The following TCP1 variants were observed in gnomAD, a reference collection of about 807,000 sequenced individuals.
The protein encoded by TCP1 is t-complex 1, also known as T-complex protein 1 subunit alpha.
A neutral mutation model predicts 54.7 loss-of-function variants in TCP1; 6 were observed. That is an observed-to-expected ratio of 0.11 (90% CI 0.06 to 0.22). The LOEUF (loss-of-function observed/expected upper bound fraction) is 0.22, where lower values mean the gene tolerates loss of function less well. Ranked by LOEUF, TCP1 falls within the 10% of genes least tolerant of loss-of-function variation. The pLI is 1.00. For missense variants in TCP1, 511 were observed against 678.2 expected, an observed-to-expected ratio of 0.75 and a Z score of 2.74; for synonymous variants, 225 against 229.7, an observed-to-expected ratio of 0.98 and a Z score of 0.19.
Position 159,779,106 on chromosome 6 carries a change from C to A in TCP1, c.1610G>T (p.Ser537Ile). ...IDDLIKLHPE[S>I]KDDKHGSYED... ...ATAACTTCCATGTTTATCATCTTTACTTTCTGGATGTAATTTAATAAGATC... is the reference window on the plus strand; with the variant it reads ...ATAACTTCCATGTTTATCATCTTTAATTTCTGGATGTAATTTAATAAGATC... The change falls in exon 12 of 12, where the codon AGT becomes ATT. Residue 537 changes from serine (S) to isoleucine (I), a missense_variant. By Grantham distance (142) the Ser-to-Ile change is moderately radical (BLOSUM62 -2). Coordinates refer to ENST00000321394, the MANE Select transcript of TCP1 (RefSeq NM_030752.3). 6.2e-7 allele frequency: 1 copy of A among 1,614,056 alleles called. No individual in the cohort carries two copies. The highest frequency in any genetic ancestry group is 8.5e-7 in the Non-Finnish European group (1 of 1,179,966).
intron 1 of TCP1, chr6:159,789,040 T>G: frequency 4.2e-6 from 1 of 240,612 alleles, no homozygotes; most frequent in Non-Finnish European, 8.1e-6. Context: ...AAACCTGGCG[T>G]TTAACATGGA....
rs1308002423 is a variant in TCP1 at position 159,785,386 on chromosome 6, A to G, written c.488T>C (p.Ile163Thr). The G allele has an allele frequency of 5.0e-6, 8 of 1,604,690 alleles. No homozygotes were observed. The highest frequency in any genetic ancestry group is 1.3e-5 in the African/African-American group (1 of 74,768). The stretch of plus-strand genomic sequence containing the variant: ...TTTTATCTGACAACCACAAGGATAC[A>G]TTCCAATGATTTTGGAAGACATGGA... ...KTSMSSKIIG[I>T]NGDFFANMVV... is the part of the protein sequence containing the mutation. The change falls in exon 5 of 12, where the codon ATA becomes ACA. Residue 163 changes from isoleucine to threonine, a missense_variant and splice_region_variant. Coordinates refer to ENST00000321394, the MANE Select transcript of TCP1 (RefSeq NM_030752.3).
At position 159,785,709 on chromosome 6, in the gene TCP1, GA is replaced by G. The variant is rs775775017; in HGVS notation, c.377+190del. 7.9e-5 allele frequency: 62 copies of G among 788,528 alleles called. No homozygotes were observed. In the African/African-American group the frequency reaches 8.6e-4, roughly 11 times the overall value. 48.8% of individuals were successfully genotyped at this position (788,528 alleles called of 1,614,324 possible). A position where few individuals can be genotyped will look rare whatever the true frequency, so the allele number is the denominator to read the frequency against. On this transcript the variant is annotated intron_variant, in intron 4 of 11. Transcript: ENST00000321394. ...TAGCCACTAAAATCTATTATTAGGA[GA>G]AAATGTGGTAGTCAAATGAGAAAAA...
intron 3 of TCP1, 118 bp downstream of exon 3, chr6:159,787,625 G>T: frequency 7.9e-7 from 1 of 1,267,910 alleles, no homozygotes; most frequent in Non-Finnish European, 1.1e-6. Context: ...TCAATCTTCT[G>T]GGCATTCAGA....
rs1554268497 is a variant in TCP1, at chr6:159,778,620, CAGA to C, written c.*422_*424del. The C allele has an allele frequency of 3.7e-6, 6 of 1,601,820 alleles. No individual in the cohort carries two copies. Among genetic ancestry groups the C allele is most frequent in the Non-Finnish European group, 4.3e-6 (5 of 1,169,998 alleles). ...AGTTTAAGATTTTAAACTGTGTCCA[CAGA>C]AGAATAAACAATCTAAATCTTTTCT... On this transcript the variant is annotated 3_prime_UTR_variant, in exon 12 of 12. Transcript: ENST00000321394.
Position 159,778,881 on chromosome 6 carries a change from A to G in TCP1, c.*164T>C. On this transcript the variant is annotated 3_prime_UTR_variant, in exon 12 of 12. Coordinates refer to ENST00000321394, the MANE Select transcript of TCP1 (RefSeq NM_030752.3). ...TTTCTTTTTAAACTAATAAAGTACT[A>G]GGTTGCAATATGTGAAATCAGAGGA... The G allele has an allele frequency of 6.2e-7, 1 of 1,607,884 alleles. No individual in the cohort carries two copies. Among genetic ancestry groups the G allele is most frequent in the Non-Finnish European group, 8.5e-7 (1 of 1,175,756 alleles).
intron 3 of TCP1, among the ~76,000 whole-genome samples, chr6:159,787,520 G>GT (rs1235524048): frequency 1.3e-5 from 2 of 152,306 alleles, no homozygotes; most frequent in East Asian, 3.9e-4. Context: ...CAAACTAGCT[G>GT]TAACTATCAA....
At chr6:159,783,751 T>C (rs1202330331) in intron 7 of TCP1, among the ~76,000 whole-genome samples, 190 bp downstream of exon 7, 4 of 152,018 alleles carry the variant, frequency 2.6e-5, no homozygotes, top group Non-Finnish European at 4.4e-5. Context: ...ACATCTTTAA[T>C]ATTAATAGAC....
chr6:159,786,508 C>T (rs1041922459), intron 3 of TCP1, among the ~76,000 whole-genome samples: 3 of 152,062 alleles, frequency 2.0e-5, no homozygotes, highest in Non-Finnish European at 4.4e-5. Context: ...GAAGCTAAAC[C>T]GAGTGTGACT....
Position 159,779,877 on chromosome 6 carries a change from A to G in TCP1, c.1290+18T>C, listed in dbSNP as rs376562566. On this transcript the variant is annotated intron_variant, in intron 10 of 11. Transcript: ENST00000321394. ...CTACTGCTCTCAGGCCTCTAAGACA[A>G]GAAATGACTGTTCTTACCATGCTGG... 2.5e-4 allele frequency: 399 copies of G among 1,612,316 alleles called. No individual in the cohort carries two copies. Among genetic ancestry groups the G allele is most frequent in the Middle Eastern group, 1.8e-3 (11 of 6,038 alleles).
At chr6:159,788,409 G>C in intron 1 of TCP1, 1 of 371,704 alleles carries the variant, frequency 2.7e-6, no homozygotes, top group African/African-American at 2.1e-5. Context: ...GCAACATAGC[G>C]AAACCCATTT....
rs148107132 is a variant in TCP1, at chr6:159,785,044, T to C, written c.489-197A>G. On this transcript the variant is annotated intron_variant, in intron 5 of 11. Coordinates refer to ENST00000321394, the MANE Select transcript of TCP1 (RefSeq NM_030752.3). ...CTTTTAGACATGCTTTTTATTACCT[T>C]TTCACCCTAAAAAAGCAGGGAAGGC... 12 of 640,256 alleles carry C rather than the reference T, an allele frequency of 1.9e-5. No homozygotes were observed. The East Asian group carries it at 2.7e-4, about 15-fold the overall frequency. 39.7% of individuals were successfully genotyped at this position (640,256 alleles called of 1,614,324 possible).
intron 7 of TCP1, among the ~76,000 whole-genome samples, chr6:159,783,272 T>C (rs780342390): frequency 3.3e-4 from 50 of 151,736 alleles, no homozygotes; most frequent in Non-Finnish European, 2.9e-5. Flanking sequence ...CTTTGTTGTA[T>C]GAGGAAGGAA....
At position 159,784,782 on chromosome 6, in the gene TCP1, C is replaced by T; in HGVS notation, c.554G>A (p.Arg185Lys). The T allele has an allele frequency of 1.2e-6, 2 of 1,614,118 alleles. No individual in the cohort carries two copies. Among genetic ancestry groups the T allele is most frequent in the Non-Finnish European group, 1.7e-6 (2 of 1,180,030 alleles). ...AVLAIKYTDI[R>K]GQPRYPVNSV... is the part of the protein sequence containing the mutation. ...GTTGACTGGATAGCGTGGCTGGCCT[C>T]TTATGTCTGTGTATTTAATAGCAAG... Residue 185 changes from arginine (R) to lysine (K), a missense_variant, in exon 6 of 12, where the codon AGA becomes AAA. This residue lies in a region of TCP1 where 305 missense variants were observed against 352.8 expected (regional missense o/e 0.86). Coordinates refer to ENST00000321394, the MANE Select transcript of TCP1 (RefSeq NM_030752.3).
In TCP1 at chr6:159,778,822, G is replaced by A. The variant is rs766982295; in HGVS notation, c.*223C>T. ...ATGGGAATAGCAATGTGTGTTCAGA[G>A]AGAATGAATTGCTTAAACTTTGAAC... On this transcript the variant is annotated 3_prime_UTR_variant, in exon 12 of 12. Coordinates refer to ENST00000321394, the MANE Select transcript of TCP1 (RefSeq NM_030752.3). The A allele has an allele frequency of 3.9e-5, 63 of 1,614,052 alleles. No homozygotes were observed. The South Asian group carries it at 5.2e-4, about 13-fold the overall frequency.
At chr6:159,783,357 A>AGGTTT (rs1554269012) in intron 7 of TCP1, among the ~76,000 whole-genome samples, 15 of 29,210 alleles carry the variant, frequency 5.1e-4, no homozygotes, top group South Asian at 4.1e-3. Flanking sequence ...GCTTTCTTGT[A>AGGTTT]GGTCTAACTA....
intron 10 of TCP1, 28 bp from the exon 11 acceptor site, chr6:159,779,818 T>TC (rs768701971): frequency 2.5e-6 from 4 of 1,585,504 alleles, no homozygotes; most frequent in Non-Finnish European, 3.4e-6. Flanking sequence ...TTAGGTGACT[T>TC]CACAAAAGGG....
chr6:159,784,786 T>C lies in TCP1; in HGVS notation c.550A>G (p.Ile184Val), dbSNP rs148932615. ...DAVLAIKYTDIRGQPRYPVNS... is the reference protein window; with the variant it reads ...DAVLAIKYTDVRGQPRYPVNS... ...ACTGGATAGCGTGGCTGGCCTCTTA[T>C]GTCTGTGTATTTAATAGCAAGTACA... Residue 184 changes from isoleucine to valine, a missense_variant, in exon 6 of 12, where the codon ATA (isoleucine) becomes GTA (valine). This residue lies in a region of TCP1 where 305 missense variants were observed against 352.8 expected (regional missense o/e 0.86). Transcript: ENST00000321394. 1.0e-3 allele frequency: 1,636 copies of C among 1,614,200 alleles called. 16 individuals carry two copies. In the African/African-American group the frequency reaches 0.019, roughly 19 times the overall value.
rs773948761 is a variant in TCP1, at chr6:159,780,388, T to C, written c.1097+55A>G. 11 of 1,612,174 alleles carry C rather than the reference T, an allele frequency of 6.8e-6. No homozygotes were observed. The South Asian group carries it at 1.1e-4, about 16-fold the overall frequency. On this transcript the variant is annotated intron_variant, in intron 9 of 11. Transcript: ENST00000321394. ...GCAGCAAATAAATGGGAAGAAAACCTACTTTTACTTAACAAAATCGGTATA... is the reference window on the plus strand; with the variant it reads ...GCAGCAAATAAATGGGAAGAAAACCCACTTTTACTTAACAAAATCGGTATA...
Sources: allele counts gnomAD v4.1 joint callset (sites outside exome capture counted in the v4.1 genomes callset), GRCh38; gene constraint gnomAD v4.1.1; regional missense constraint gnomAD v4.1.1; transcripts MANE v1.5; gene names NCBI Gene and HGNC (gene_info 2026-07-23, HGNC 2026-07-21).